MACROD2: variants seen among roughly 807,000 people sequenced by gnomAD.
The protein encoded by MACROD2 is ADP-ribose glycohydrolase MACROD2.
Under a neutral mutation model 70.4 loss-of-function variants are expected in MACROD2, and 36 were observed. The observed-to-expected ratio is 0.51, with a 90% CI of 0.39 to 0.68. MACROD2 has a LOEUF of 0.68. Ranked by LOEUF, MACROD2 falls within the 30% of genes least tolerant of loss-of-function variation. The pLI is 0.00. For synonymous variants in MACROD2, 172 were observed against 178.8 expected (o/e 0.96, Z 0.30); for missense variants, 496 against 538.4 (o/e 0.92, Z 0.78).
intron 3 of MACROD2, among the ~76,000 whole-genome samples, chr20:14,095,710 G>A (rs1164533652): frequency 6.6e-6 from 1 of 152,120 alleles, no homozygotes; most frequent in Non-Finnish European, 1.5e-5. Context: ...TTTATTAAAA[G>A]CATGTAGTAA....
chr20:16,030,702 T>C (rs557488070), intron 15 of MACROD2, among the ~76,000 whole-genome samples: 3 of 152,144 alleles, frequency 2.0e-5, no homozygotes, highest in Non-Finnish European at 4.4e-5. Flanking sequence ...AATAAATCAG[T>C]TAAGAACAGC....
chr20:14,984,288 A>C (rs551040175), intron 5 of MACROD2, among the ~76,000 whole-genome samples: 1 of 152,298 alleles, frequency 6.6e-6, no homozygotes, highest in Non-Finnish European at 1.5e-5. Context: ...GGCCCCTGGG[A>C]TGTTCTTGGG....
At chr20:14,172,541 G>T (rs1171335044) in intron 3 of MACROD2, among the ~76,000 whole-genome samples, 1 of 152,098 alleles carries the variant, frequency 6.6e-6, no homozygotes, top group South Asian at 2.1e-4. Flanking sequence ...CTGACCTCAA[G>T]TGATCCACCT....
chr20:14,199,134 T>A (rs906852028), intron 3 of MACROD2, among the ~76,000 whole-genome samples: 1 of 152,178 alleles, frequency 6.6e-6, no homozygotes. Flanking sequence ...CTTTGAAAAT[T>A]AGTTATCATA....
In MACROD2 at chr20:14,084,082, C is replaced by CA. The variant is rs1289652442; in HGVS notation, c.164-1530dup. On this transcript the variant is annotated intron_variant, in intron 2 of 17. Transcript: ENST00000684519. ...GTCTCAAAAAAAAACAAAAAACAAA[C>CA]AAAAAAAAACCTTCCGGGAGAGAAG... Among the ~76,000 whole-genome samples the CA allele has an allele frequency of 6.2e-5, 7 of 112,620 alleles. 1 individual carries two copies. Among genetic ancestry groups the CA allele is most frequent in the Admixed American group, 1.2e-4 (1 of 8,640 alleles). 73.9% of individuals were successfully genotyped at this position (112,620 alleles called of 152,430 possible). A position where few individuals can be genotyped will look rare whatever the true frequency, so the allele number is the denominator to read the frequency against.
At chr20:14,734,065 G>C (rs1020792499) in intron 5 of MACROD2, among the ~76,000 whole-genome samples, 12 of 152,008 alleles carry the variant, frequency 7.9e-5, no homozygotes, top group African/African-American at 2.4e-4. Context: ...TTATTATTAA[G>C]CTCCCTTACC....
intron 3 of MACROD2, among the ~76,000 whole-genome samples, chr20:14,228,164 T>TAC (rs1439725583): frequency 1.3e-4 from 1 of 7,532 alleles, no homozygotes. Context: ...TTTTTCTATG[T>TAC]ATATATATAG....
chr20:15,124,321 A>G (rs6079669), intron 5 of MACROD2, among the ~76,000 whole-genome samples: 19 of 149,960 alleles, frequency 1.3e-4, no homozygotes, highest in Non-Finnish European at 2.2e-4. Context: ...TTTTCTTTAA[A>G]CTTTTAAGCC....
chr20:14,982,421 C>T (rs2074809087), intron 5 of MACROD2, among the ~76,000 whole-genome samples: 1 of 152,156 alleles, frequency 6.6e-6, no homozygotes, highest in African/African-American at 2.4e-5. Flanking sequence ...GGGAAAATGT[C>T]TCCAGGGCAT....
At chr20:15,224,420 CTCATAA>C (rs1416800759) in intron 5 of MACROD2, among the ~76,000 whole-genome samples, 1 of 152,192 alleles carries the variant, frequency 6.6e-6, no homozygotes, top group African/African-American at 2.4e-5. Context: ...GAGGAACTTA[CTCATAA>C]TCATATTGTC....
intron 5 of MACROD2, among the ~76,000 whole-genome samples, chr20:14,839,125 A>C (rs2073060995): frequency 6.6e-6 from 1 of 151,956 alleles, no homozygotes; most frequent in South Asian, 2.1e-4. Flanking sequence ...CCTCCATGTG[A>C]CTCCAAGTTG....
intron 6 of MACROD2, among the ~76,000 whole-genome samples, chr20:15,303,912 G>T (rs922399193): frequency 2.0e-5 from 3 of 152,218 alleles, no homozygotes; most frequent in Admixed American, 1.3e-4. Context: ...ACTCTGTTAA[G>T]ATCTTCCACG....
intron 8 of MACROD2, among the ~76,000 whole-genome samples, chr20:15,776,309 C>G (rs749745227): frequency 1.3e-4 from 20 of 152,108 alleles, no homozygotes; most frequent in Non-Finnish European, 2.5e-4. Flanking sequence ...ACCTGCTGTA[C>G]CTCTGTTGCT....
At chr20:15,549,079 T>C (rs1233723) in intron 8 of MACROD2, among the ~76,000 whole-genome samples, 72,765 of 152,160 alleles carry the variant, frequency 0.48, 20,390 homozygotes, top group African/African-American at 0.78. Flanking sequence ...GAATCCATCA[T>C]CCTCAAAATT....
chr20:15,718,521 C>T (rs13036296), intron 8 of MACROD2, among the ~76,000 whole-genome samples: 1 of 152,218 alleles, frequency 6.6e-6, no homozygotes, highest in Admixed American at 6.5e-5. Context: ...CCATGAAAAG[C>T]CATCTTTGTT....
At chr20:14,007,080 G>T (rs1413773221) in intron 2 of MACROD2, among the ~76,000 whole-genome samples, 1 of 151,910 alleles carries the variant, frequency 6.6e-6, no homozygotes, top group African/African-American at 2.4e-5. Flanking sequence ...TTACCTAATG[G>T]TTTTAGCAGC....
At chr20:15,240,381 A>G (rs1378881374) in intron 6 of MACROD2, among the ~76,000 whole-genome samples, 1 of 152,182 alleles carries the variant, frequency 6.6e-6, no homozygotes, top group African/African-American at 2.4e-5. Flanking sequence ...ATTCTCAAAT[A>G]ATACAGCAAG....
intron 8 of MACROD2, among the ~76,000 whole-genome samples, chr20:15,607,977 A>G (rs2048917276): frequency 1.3e-5 from 2 of 152,240 alleles, no homozygotes; most frequent in Admixed American, 6.5e-5. Flanking sequence ...AAAATAGTGC[A>G]ACTGATATTT....
intron 8 of MACROD2, among the ~76,000 whole-genome samples, chr20:15,820,290 G>A (rs1054787739): frequency 2.0e-5 from 3 of 152,002 alleles, no homozygotes; most frequent in Admixed American, 6.6e-5. Flanking sequence ...TCCCAGGCTC[G>A]AGTGGTCCTC....
Sources: allele counts gnomAD v4.1 joint callset (sites outside exome capture counted in the v4.1 genomes callset), GRCh38; gene constraint gnomAD v4.1.1; transcripts MANE v1.5; gene names NCBI Gene and HGNC (gene_info 2026-07-23, HGNC 2026-07-21).